ERC2: variants seen among roughly 807,000 people sequenced by gnomAD.
ERC2 encodes the protein ELKS/RAB6-interacting/CAST family member 2, also known as ERC protein 2.
In ERC2, 42 loss-of-function variants were observed where a neutral mutation model predicts 114.8. The observed-to-expected ratio is 0.37, with a 90% CI of 0.29 to 0.47. The LOEUF (loss-of-function observed/expected upper bound fraction) is 0.47, where lower values mean the gene tolerates loss of function less well. Among genes scored for constraint, ERC2 ranks in the 20% least tolerant of loss-of-function variants. The probability of loss-of-function intolerance (pLI) is 0.99; values close to 1 mark genes in which losing one functional copy is unlikely to be tolerated. For synonymous variants in ERC2, 454 were observed against 425.5 expected (o/e 1.07, Z -0.82); for missense variants, 939 against 1,150.7 (o/e 0.82, Z 2.66).
At chr3:55,553,238 T>A (rs1296240315) in intron 17 of ERC2, among the ~76,000 whole-genome samples, 1 of 151,618 alleles carries the variant, frequency 6.6e-6, no homozygotes, top group Non-Finnish European at 1.5e-5. Flanking sequence ...GCCATGCTGG[T>A]CTTGAACTTC....
At chr3:55,739,272 C>A (rs2148934833) in intron 14 of ERC2, among the ~76,000 whole-genome samples, 1 of 152,260 alleles carries the variant, frequency 6.6e-6, no homozygotes, top group Middle Eastern at 3.4e-3. Flanking sequence ...TGGGTATATA[C>A]CCAGTAATGG....
intron 3 of ERC2, among the ~76,000 whole-genome samples, chr3:56,186,461 T>C (rs1028209085): frequency 6.6e-6 from 1 of 152,328 alleles, no homozygotes; most frequent in Non-Finnish European, 1.5e-5. Flanking sequence ...TCTCCGATGA[T>C]AACAGTATCC....
intron 12 of ERC2, among the ~76,000 whole-genome samples, chr3:55,971,744 G>A (rs1213776891): frequency 1.3e-5 from 2 of 152,062 alleles, no homozygotes; most frequent in Non-Finnish European, 2.9e-5. Flanking sequence ...GAACAATCCT[G>A]GATATCCTAC....
At chr3:55,646,539 T>C (rs2060407583) in intron 17 of ERC2, among the ~76,000 whole-genome samples, 2 of 152,232 alleles carry the variant, frequency 1.3e-5, no homozygotes, top group Admixed American at 1.3e-4. Flanking sequence ...TTAGTAAATA[T>C]AACCTAAAGA....
chr3:55,661,899 T>A (rs897988437), intron 17 of ERC2, among the ~76,000 whole-genome samples: 3 of 152,190 alleles, frequency 2.0e-5, no homozygotes, highest in Non-Finnish European at 4.4e-5. Context: ...GACTTTTCAA[T>A]CCATTTATCA....
chr3:56,464,897 A>G (rs1046775458), intron 1 of ERC2, among the ~76,000 whole-genome samples: 3 of 152,040 alleles, frequency 2.0e-5, no homozygotes, highest in Admixed American at 6.5e-5. Context: ...AAAAAAAAAA[A>G]GGCTAGAGGG....
intron 2 of ERC2, among the ~76,000 whole-genome samples, chr3:56,357,170 T>C (rs2058775622): frequency 6.6e-6 from 1 of 152,216 alleles, no homozygotes; most frequent in Non-Finnish European, 1.5e-5. Flanking sequence ...TCCTCCTGCA[T>C]AGAGTCAAAG....
At chr3:56,161,227 C>T (rs1307548137) in intron 4 of ERC2, among the ~76,000 whole-genome samples, 2 of 152,160 alleles carry the variant, frequency 1.3e-5, no homozygotes, top group African/African-American at 4.8e-5. Flanking sequence ...CTTCCTGAGG[C>T]CCTCACAAGA....
At chr3:55,833,754 T>A (rs1354399991) in intron 14 of ERC2, among the ~76,000 whole-genome samples, 1 of 152,026 alleles carries the variant, frequency 6.6e-6, no homozygotes, top group Admixed American at 6.6e-5. Context: ...AATTCACACA[T>A]AACAATATTA....
chr3:55,524,534 G>GT (rs1470917538), intron 17 of ERC2, among the ~76,000 whole-genome samples: 1 of 129,664 alleles, frequency 7.7e-6, no homozygotes, highest in Non-Finnish European at 1.6e-5. Context: ...GGCTCCAGCT[G>GT]TTAGATAAAC....
chr3:55,534,445 G>C (rs2053865500), intron 17 of ERC2, among the ~76,000 whole-genome samples: 1 of 149,634 alleles, frequency 6.7e-6, no homozygotes, highest in Non-Finnish European at 1.5e-5. Flanking sequence ...TGTAATCCCA[G>C]CACTTTAGGA....
At chr3:55,593,062 G>A (rs2057970704) in intron 17 of ERC2, among the ~76,000 whole-genome samples, 1 of 152,216 alleles carries the variant, frequency 6.6e-6, no homozygotes, top group South Asian at 2.1e-4. Context: ...AAGCAAGAAA[G>A]ATATGCCATG....
At chr3:56,106,361 TA>T (rs1409129254) in intron 6 of ERC2, among the ~76,000 whole-genome samples, 2 of 152,240 alleles carry the variant, frequency 1.3e-5, no homozygotes, top group African/African-American at 4.8e-5. Flanking sequence ...AGTTATGTAT[TA>T]GAGCTCCCTT....
At chr3:56,187,497 C>A (rs2083696336) in intron 3 of ERC2, among the ~76,000 whole-genome samples, 1 of 152,070 alleles carries the variant, frequency 6.6e-6, no homozygotes, top group African/African-American at 2.4e-5. Flanking sequence ...GCAGTATAAG[C>A]CTTCAAGCTT....
intron 17 of ERC2, among the ~76,000 whole-genome samples, chr3:55,631,914 C>T (rs1256002049): frequency 5.9e-5 from 9 of 152,230 alleles, no homozygotes; most frequent in Non-Finnish European, 1.5e-5. Flanking sequence ...ACTTTCACAA[C>T]AATATTGAGT....
intron 15 of ERC2, among the ~76,000 whole-genome samples, chr3:55,724,372 T>C (rs1373173983): frequency 6.6e-6 from 1 of 152,184 alleles, no homozygotes; most frequent in Non-Finnish European, 1.5e-5. Context: ...TTCTGCTTTT[T>C]AGCCTCAAGT....
intron 17 of ERC2, among the ~76,000 whole-genome samples, chr3:55,610,143 ATTAT>A (rs2058840771): frequency 6.6e-6 from 1 of 151,214 alleles, no homozygotes; most frequent in Admixed American, 6.6e-5. Flanking sequence ...GGGCCAGACA[ATTAT>A]TTGTCATCAG....
At chr3:55,908,589 G>A (rs1174509581) in intron 13 of ERC2, among the ~76,000 whole-genome samples, 5 of 152,142 alleles carry the variant, frequency 3.3e-5, no homozygotes, top group Non-Finnish European at 7.4e-5. Context: ...CAAGGAGAAG[G>A]AAGGAGTTAG....
chr3:55,613,405 G>A (rs1009861404), intron 17 of ERC2, among the ~76,000 whole-genome samples: 1 of 152,182 alleles, frequency 6.6e-6, no homozygotes, highest in African/African-American at 2.4e-5. Flanking sequence ...TTTTTGGGGG[G>A]CGGTGTCACA....
Sources: allele counts gnomAD v4.1 joint callset (sites outside exome capture counted in the v4.1 genomes callset), GRCh38; gene constraint gnomAD v4.1.1; transcripts MANE v1.5; gene names NCBI Gene and HGNC (gene_info 2026-07-23, HGNC 2026-07-21).